THOC7: variants seen among roughly 807,000 people sequenced by gnomAD.
THOC7 encodes NIF3L1-binding protein 1.
In THOC7, 22 loss-of-function variants were observed where a neutral mutation model predicts 33.1. That is an observed-to-expected ratio of 0.66 (90% confidence interval 0.47 to 0.95). The LOEUF is 0.95. Ranked by LOEUF, THOC7 falls within the 40% of genes least tolerant of loss-of-function variation. THOC7 has a pLI of 0.00. For missense variants in THOC7, 184 were observed against 245.3 expected (o/e 0.75, Z 1.67); for synonymous variants, 77 against 76.8 (o/e 1.00, Z -0.01).
intron 2 of THOC7, among the ~76,000 whole-genome samples, chr3:63,839,084 G>A (rs961635790): frequency 2.0e-5 from 3 of 152,084 alleles, no homozygotes; most frequent in Admixed American, 2.0e-4. Context: ...CAGCTACTCA[G>A]GAGGTTGAGG....
At chr3:63,851,259 C>A (rs1702016314) in intron 1 of THOC7, among the ~76,000 whole-genome samples, 1 of 152,114 alleles carries the variant, frequency 6.6e-6, no homozygotes, top group East Asian at 1.9e-4. Flanking sequence ...ATGGGGAGGA[C>A]ACAATAAGCT....
At chr3:63,846,188 A>G (rs1235102872) in intron 1 of THOC7, 1 of 452,292 alleles carries the variant, frequency 2.2e-6, no homozygotes, top group Non-Finnish European at 4.4e-6. Context: ...CTAAATATTC[A>G]GTCTGCTTTG....
At chr3:63,837,871 C>T in intron 4 of THOC7, 105 bp downstream of exon 4, 1 of 940,420 alleles carries the variant, frequency 1.1e-6, no homozygotes, top group Non-Finnish European at 1.6e-6. Flanking sequence ...TTTTTTTAAT[C>T]CAGGTTGATT....
intron 1 of THOC7, among the ~76,000 whole-genome samples, chr3:63,840,108 T>A (rs1386971324): frequency 6.6e-6 from 1 of 152,112 alleles, no homozygotes; most frequent in African/African-American, 2.4e-5. Context: ...GGTTGTTGAG[T>A]GGAAATAATT....
chr3:63,844,250 A>C (rs1701837828), intron 1 of THOC7, among the ~76,000 whole-genome samples: 1 of 152,220 alleles, frequency 6.6e-6, no homozygotes, highest in African/African-American at 2.4e-5. Context: ...ACATACTTAC[A>C]GTTAGGCAAG....
chr3:63,851,230 C>T (rs565504958), intron 1 of THOC7, among the ~76,000 whole-genome samples: 1 of 152,238 alleles, frequency 6.6e-6, no homozygotes, highest in East Asian at 1.9e-4. Flanking sequence ...ACAACAAAAA[C>T]TCAAACAAAC....
intron 1 of THOC7, among the ~76,000 whole-genome samples, chr3:63,857,987 A>C (rs1416310363): frequency 6.6e-6 from 1 of 152,206 alleles, no homozygotes; most frequent in Non-Finnish European, 1.5e-5. Flanking sequence ...AGATGGAAGA[A>C]AGTGGGCAAA....
intron 1 of THOC7, 25 bp downstream of exon 1, chr3:63,863,747 C>T: frequency 8.0e-7 from 1 of 1,249,874 alleles, no homozygotes; most frequent in Non-Finnish European, 1.0e-6. Context: ...GCAGCGGGCG[C>T]GTGTGGCGGC....
chr3:63,858,091 T>C (rs1702145027), intron 1 of THOC7, among the ~76,000 whole-genome samples: 2 of 152,180 alleles, frequency 1.3e-5, no homozygotes, highest in South Asian at 4.1e-4. Flanking sequence ...GAAATAGGAA[T>C]AACAGCAGCA....
chr3:63,846,559 C>G (rs1200400744), intron 1 of THOC7, among the ~76,000 whole-genome samples: 2 of 152,118 alleles, frequency 1.3e-5, no homozygotes, highest in African/African-American at 4.8e-5. Flanking sequence ...AGGCACCCAC[C>G]ACCACGCCAG....
chr3:63,853,434 T>C (rs1702055264), intron 1 of THOC7, among the ~76,000 whole-genome samples: 13 of 152,218 alleles, frequency 8.5e-5, no homozygotes. Flanking sequence ...CAATGTTTAC[T>C]GTGTGTGCAT....
chr3:63,863,582 A>T (rs549394550), intron 1 of THOC7, 190 bp downstream of exon 1: 1 of 1,197,012 alleles, frequency 8.4e-7, no homozygotes, highest in Non-Finnish European at 1.0e-6. Flanking sequence ...CTCTGGCGAG[A>T]GGAGGAAGGA....
intron 1 of THOC7, chr3:63,854,892 C>T (rs1399224799): frequency 3.3e-5 from 5 of 151,300 alleles, no homozygotes; most frequent in African/African-American, 4.8e-5. Context: ...CCTGTAGTCC[C>T]AGCTACTTGG....
Position 63,834,058 on chromosome 3 carries a change from C to T in THOC7, c.*74G>A. The T allele has an allele frequency of 6.9e-7, 1 of 1,455,120 alleles. No homozygotes were observed. Among genetic ancestry groups the T allele is most frequent in the South Asian group, 1.2e-5 (1 of 83,814 alleles). The allele number at this position is 1,455,120 out of a possible 1,614,324, so 90.1% of individuals were successfully genotyped here. On this transcript the variant is annotated 3_prime_UTR_variant, in exon 8 of 8. Coordinates refer to ENST00000295899, the MANE Select transcript of THOC7 (RefSeq NM_025075.4). Reference sequence around the variant, plus strand: ...GCCAAAACTTTAAATATCTCAAGAGCATACCACATTTTAAACACATTATGG... The same window carrying T: ...GCCAAAACTTTAAATATCTCAAGAGTATACCACATTTTAAACACATTATGG...
intron 1 of THOC7, among the ~76,000 whole-genome samples, chr3:63,854,024 T>C (rs1257109734): frequency 6.6e-6 from 1 of 152,208 alleles, no homozygotes; most frequent in Non-Finnish European, 1.5e-5. Flanking sequence ...CATTTATGCA[T>C]ATCAAGTTTT....
chr3:63,840,517 G>T (rs538222551), intron 1 of THOC7, among the ~76,000 whole-genome samples: 3 of 152,072 alleles, frequency 2.0e-5, no homozygotes, highest in Admixed American at 2.0e-4. Context: ...CTTGAGCCTC[G>T]GAGATCAAGG....
intron 1 of THOC7, among the ~76,000 whole-genome samples, chr3:63,843,101 A>G (rs964654131): frequency 1.3e-5 from 2 of 149,928 alleles, no homozygotes; most frequent in Non-Finnish European, 3.0e-5. Flanking sequence ...CCCTCCAAAA[A>G]CCGTATGTAT....
intron 1 of THOC7, among the ~76,000 whole-genome samples, chr3:63,857,693 T>C (rs1270296226): frequency 6.6e-6 from 1 of 152,232 alleles, no homozygotes; most frequent in African/African-American, 2.4e-5. Context: ...TCCATGTAGA[T>C]ATTAACCTCT....
At chr3:63,861,304 G>A (rs1702206541) in intron 1 of THOC7, among the ~76,000 whole-genome samples, 1 of 152,110 alleles carries the variant, frequency 6.6e-6, no homozygotes, top group Admixed American at 6.5e-5. Flanking sequence ...GACAAAGCCT[G>A]TTGCTCCTTT....
Sources: allele counts gnomAD v4.1 joint callset (sites outside exome capture counted in the v4.1 genomes callset), GRCh38; gene constraint gnomAD v4.1.1; transcripts MANE v1.5; gene names NCBI Gene and HGNC (gene_info 2026-07-23, HGNC 2026-07-21).